The following XKR4 variants were observed in gnomAD, a reference collection of about 807,000 sequenced individuals.
XKR4 encodes XK related 4.
XKR4 carries 12 observed loss-of-function variants against 53.9 expected under a neutral mutation model. The ratio of observed to expected loss-of-function variants is 0.22; its 90% confidence interval spans 0.14 to 0.36. XKR4 has a LOEUF of 0.36. XKR4 is among the 10% of genes least tolerant of loss of function. The probability of loss-of-function intolerance (pLI) is 1.00; values close to 1 mark genes in which losing one functional copy is unlikely to be tolerated. For missense variants in XKR4, 799 were observed against 859.5 expected, an observed-to-expected ratio of 0.93 and a Z score of 0.88; for synonymous variants, 354 against 362.4, an observed-to-expected ratio of 0.98 and a Z score of 0.26.
At chr8:55,369,230 G>A (rs1804034833) in intron 2 of XKR4, among the ~76,000 whole-genome samples, 1 of 151,718 alleles carries the variant, frequency 6.6e-6, no homozygotes, top group African/African-American at 2.4e-5. Flanking sequence ...AGGTGTGGTG[G>A]TGCATTCATG....
At chr8:55,322,924 G>A (rs949250518) in intron 1 of XKR4, among the ~76,000 whole-genome samples, 24 of 151,958 alleles carry the variant, frequency 1.6e-4, no homozygotes, top group South Asian at 4.2e-4. Context: ...AGGACTTCCC[G>A]TATGTTGTTG....
intron 2 of XKR4, among the ~76,000 whole-genome samples, chr8:55,498,645 T>C (rs1210836981): frequency 6.6e-6 from 1 of 152,100 alleles, no homozygotes; most frequent in Non-Finnish European, 1.5e-5. Context: ...CAGTAGCGTG[T>C]ACCTGTAGTC....
At chr8:55,351,461 T>C (rs1344178606) in intron 1 of XKR4, among the ~76,000 whole-genome samples, 1 of 152,190 alleles carries the variant, frequency 6.6e-6, no homozygotes, top group African/African-American at 2.4e-5. Flanking sequence ...AGCATGTTTG[T>C]AGCTTTTTAG....
intron 1 of XKR4, 134 bp from the exon 2 acceptor site, chr8:55,357,544 A>T (rs1430483200): frequency 1.2e-6 from 1 of 863,268 alleles, no homozygotes; most frequent in Non-Finnish European, 1.8e-6. Flanking sequence ...TTGGACTTTA[A>T]CTCATAAGCC....
chr8:55,323,474 C>G (rs1349714623), intron 1 of XKR4, among the ~76,000 whole-genome samples: 1 of 152,110 alleles, frequency 6.6e-6, no homozygotes, highest in African/African-American at 2.4e-5. Context: ...AGGCTTTTTT[C>G]ACTGGAAACT....
chr8:55,260,838 G>A (rs1419884118), intron 1 of XKR4, among the ~76,000 whole-genome samples: 1 of 152,214 alleles, frequency 6.6e-6, no homozygotes, highest in East Asian at 1.9e-4. Context: ...GAAAAGGGAA[G>A]ATGGAGCCGC....
chr8:55,201,228 A>C lies in XKR4; in HGVS notation c.806+97934A>C, dbSNP rs1000124574. On this transcript the variant is annotated intron_variant, in intron 1 of 2. Transcript: ENST00000327381. ...CTGTCTTTTCAATATATATCTGCAG[A>C]GCCTAGAATAAGGCAGGCAAATAAA... Among the ~76,000 whole-genome samples the C allele has an allele frequency of 9.2e-5, 14 of 152,336 alleles. 1 individual carries two copies. The highest frequency in any genetic ancestry group is 8.5e-4 in the Admixed American group (13 of 15,300).
At position 55,357,664 on chromosome 8, in the gene XKR4, T is replaced by G; in HGVS notation, c.807-14T>G. ...TCACTCATCTCTTTCTTATTCTCCA[T>G]GTTTTCTTTCTAGATATTTCCACAC... On this transcript the variant is annotated splice_polypyrimidine_tract_variant and intron_variant, in intron 1 of 2. Coordinates refer to ENST00000327381, the MANE Select transcript of XKR4 (RefSeq NM_052898.2). 6.2e-7 allele frequency: 1 copy of G among 1,613,550 alleles called. No homozygotes were observed. The highest frequency in any genetic ancestry group is 8.5e-7 in the Non-Finnish European group (1 of 1,179,446).
At chr8:55,408,053 C>T (rs1804713524) in intron 2 of XKR4, among the ~76,000 whole-genome samples, 2 of 152,168 alleles carry the variant, frequency 1.3e-5, no homozygotes, top group Non-Finnish European at 2.9e-5. Context: ...ACAGGTGGAG[C>T]GACATCCCAG....
At chr8:55,294,761 A>G (rs1194372772) in intron 1 of XKR4, among the ~76,000 whole-genome samples, 1 of 152,128 alleles carries the variant, frequency 6.6e-6, no homozygotes, top group Non-Finnish European at 1.5e-5. Context: ...TCAGTTAGAC[A>G]CCTGCTTTGG....
At chr8:55,322,445 A>G (rs1037736916) in intron 1 of XKR4, among the ~76,000 whole-genome samples, 2 of 152,226 alleles carry the variant, frequency 1.3e-5, no homozygotes, top group African/African-American at 4.8e-5. Flanking sequence ...GAACATTATC[A>G]TACATGCCAT....
Position 55,289,591 on chromosome 8 carries a change from G to GAAAGAA in XKR4, c.807-68086_807-68085insAAGAAA, listed in dbSNP as rs751030167. On this transcript the variant is annotated intron_variant, in intron 1 of 2. Transcript: ENST00000327381. Reference sequence around the variant, plus strand: ...AAGGAGAGAGAAAGGAAGAAAGAAAGAGAAAGAAAGAAAGAAAGAAAGAAA... The same window carrying GAAAGAA: ...AAGGAGAGAGAAAGGAAGAAAGAAAGAAAGAAAGAAAGAAAGAAAGAAAGAAAGAAA... 4.9e-4 allele frequency among the ~76,000 whole-genome samples: 33 copies of GAAAGAA among 67,404 alleles called. 1 individual carries two copies. The highest frequency in any genetic ancestry group is 1.7e-3 in the African/African-American group (28 of 16,256). 44.2% of individuals were successfully genotyped at this position (67,404 alleles called of 152,430 possible).
chr8:55,503,453 AT>A (rs1264051439), intron 2 of XKR4, among the ~76,000 whole-genome samples: 6 of 152,040 alleles, frequency 3.9e-5, no homozygotes, highest in African/African-American at 1.4e-4. Flanking sequence ...TATAAATGAA[AT>A]TTTTTCTTAA....
At chr8:55,402,293 C>T (rs1585557136) in intron 2 of XKR4, among the ~76,000 whole-genome samples, 1 of 152,322 alleles carries the variant, frequency 6.6e-6, no homozygotes, top group South Asian at 2.1e-4. Flanking sequence ...GTGCTGAGCC[C>T]TGGCTGTGTT....
At chr8:55,478,993 AAACAGAAAGTT>A (rs1372755572) in intron 2 of XKR4, among the ~76,000 whole-genome samples, 2 of 152,072 alleles carry the variant, frequency 1.3e-5, no homozygotes, top group African/African-American at 4.8e-5. Flanking sequence ...CAGATCAACT[AAACAGAAAGTT>A]AACAAGGATA....
intron 1 of XKR4, among the ~76,000 whole-genome samples, chr8:55,146,777 G>A (rs181341576): frequency 3.9e-4 from 59 of 152,290 alleles, no homozygotes; most frequent in Middle Eastern, 3.4e-3. Context: ...ACGTTTTTAG[G>A]AAGAAATAGG....
At chr8:55,487,251 A>G (rs1233184314) in intron 2 of XKR4, among the ~76,000 whole-genome samples, 2 of 152,210 alleles carry the variant, frequency 1.3e-5, no homozygotes, top group African/African-American at 2.4e-5. Flanking sequence ...TGTTCAAGAC[A>G]GCAGGAGAAA....
intron 2 of XKR4, among the ~76,000 whole-genome samples, chr8:55,367,725 G>A (rs1486965873): frequency 1.3e-5 from 2 of 152,076 alleles, no homozygotes; most frequent in Non-Finnish European, 2.9e-5. Context: ...AAACTGAAAA[G>A]TATCTTTCAT....
chr8:55,143,387 A>G (rs1816731510), intron 1 of XKR4, among the ~76,000 whole-genome samples: 2 of 152,176 alleles, frequency 1.3e-5, no homozygotes, highest in Admixed American at 6.5e-5. Context: ...ATTATCTCAC[A>G]TCTGATAAAA....
Sources: allele counts gnomAD v4.1 joint callset (sites outside exome capture counted in the v4.1 genomes callset), GRCh38; gene constraint gnomAD v4.1.1; transcripts MANE v1.5; gene names NCBI Gene and HGNC (gene_info 2026-07-23, HGNC 2026-07-21).